KIDINS220: variants seen among roughly 807,000 people sequenced by gnomAD.
The protein encoded by KIDINS220 is kinase D interacting substrate 220.
A neutral mutation model predicts 157.6 loss-of-function variants in KIDINS220; 63 were observed. That is an observed-to-expected ratio of 0.40 (90% CI 0.33 to 0.49). KIDINS220 has a LOEUF of 0.49. Ranked by LOEUF, KIDINS220 falls within the 20% of genes least tolerant of loss-of-function variation. The probability of loss-of-function intolerance (pLI) is 0.66; values close to 1 mark genes in which losing one functional copy is unlikely to be tolerated. For synonymous variants in KIDINS220, 732 were observed against 783.6 expected, an observed-to-expected ratio of 0.93 and a Z score of 1.10; for missense variants, 1,772 against 2,171.2, an observed-to-expected ratio of 0.82 and a Z score of 3.65.
rs540694621 is a variant in KIDINS220, at chr2:8,770,799, T to C, written c.2882A>G (p.Asn961Ser). 8.1e-6 allele frequency: 13 copies of C among 1,610,668 alleles called. No individual in the cohort carries two copies. Among genetic ancestry groups the C allele is most frequent in the African/African-American group, 5.3e-5 (4 of 74,944 alleles). The change falls in exon 22 of 30, where the codon AAC (asparagine) becomes AGC (serine). Residue 961 changes from asparagine to serine, a missense_variant. This residue lies in a region of KIDINS220 where 725 missense variants were observed against 1,017.1 expected (regional missense o/e 0.71). Transcript: ENST00000256707. ...RLLRANQISF[N>S]WDRLASWINL... ...GATCCAGCTAGCAAGCCTGTCCCAG[T>C]TGAAACTAATCTGATTGGCTCTCAG...
intron 17 of KIDINS220, among the ~76,000 whole-genome samples, chr2:8,781,167 A>G (rs1572631336): frequency 1.4e-5 from 2 of 141,522 alleles, no homozygotes; most frequent in East Asian, 4.0e-4. Context: ...TATATATATT[A>G]AAGGGGGGCA....
chr2:8,728,685 C>T (rs1294424318), downstream of KIDINS220, among the ~76,000 whole-genome samples: 1 of 152,218 alleles, frequency 6.6e-6, no homozygotes, highest in Non-Finnish European at 1.5e-5. Context: ...CGCTGCTGGG[C>T]GCTAGCATGC....
intron 4 of KIDINS220, among the ~76,000 whole-genome samples, chr2:8,815,316 G>A (rs537376793): frequency 1.3e-5 from 2 of 151,262 alleles, no homozygotes; most frequent in African/African-American, 4.9e-5. Flanking sequence ...TGGGAGGATC[G>A]CTTGAGCCCA....
At chr2:8,809,482 A>G (rs1456198805) in intron 6 of KIDINS220, among the ~76,000 whole-genome samples, 1 of 151,476 alleles carries the variant, frequency 6.6e-6, no homozygotes, top group Non-Finnish European at 1.5e-5. Flanking sequence ...TAATAATTAT[A>G]TAAATAATTA....
At chr2:8,796,665 C>A in intron 11 of KIDINS220, 106 bp downstream of exon 11, 1 of 860,574 alleles carries the variant, frequency 1.2e-6, no homozygotes, top group South Asian at 1.4e-5. Flanking sequence ...AGCAAGTCAT[C>A]TCTCCCCACA....
chr2:8,826,882 A>T lies in KIDINS220; in HGVS notation c.108+104T>A, dbSNP rs545234464. On this transcript the variant is annotated intron_variant, in intron 2 of 29. Coordinates refer to ENST00000256707, the MANE Select transcript of KIDINS220 (RefSeq NM_020738.4). ...TCTATCATAAGTACAGTGCAGTATT[A>T]CTAAGGGTTAGAACTACCTATTTCT... is the stretch of plus-strand genomic sequence containing the variant. 45 of 577,420 alleles carry T rather than the reference A, an allele frequency of 7.8e-5. No homozygotes were observed. The African/African-American group carries it at 8.1e-4, about 10-fold the overall frequency. The allele number at this position is 577,420 out of a possible 1,614,324, so 35.8% of individuals were successfully genotyped here.
chr2:8,759,672 C>T (rs527378828), intron 22 of KIDINS220, among the ~76,000 whole-genome samples: 2 of 151,424 alleles, frequency 1.3e-5, no homozygotes, highest in East Asian at 3.9e-4. Flanking sequence ...TGGTAAGGCA[C>T]TGTCTTCATT....
intron 22 of KIDINS220, among the ~76,000 whole-genome samples, chr2:8,761,189 T>A (rs1238863674): frequency 2.0e-5 from 3 of 152,190 alleles, no homozygotes; most frequent in African/African-American, 7.2e-5. Context: ...GCAATTGTCG[T>A]CTTTAAGAAA....
chr2:8,810,280 AG>A (rs1558469162), intron 6 of KIDINS220, among the ~76,000 whole-genome samples: 1 of 152,156 alleles, frequency 6.6e-6, no homozygotes, highest in African/African-American at 2.4e-5. Flanking sequence ...TTCTCTAAAC[AG>A]AGATCATTTT....
chr2:8,791,897 A>G (rs958378204), intron 12 of KIDINS220, among the ~76,000 whole-genome samples: 1 of 152,194 alleles, frequency 6.6e-6, no homozygotes, highest in Non-Finnish European at 1.5e-5. Flanking sequence ...AGAAAAAAAA[A>G]TTAAAGACTA....
intron 22 of KIDINS220, among the ~76,000 whole-genome samples, chr2:8,756,791 A>G (rs559329216): frequency 6.6e-6 from 1 of 152,230 alleles, no homozygotes; most frequent in Non-Finnish European, 1.5e-5. Context: ...AAAGGCACCA[A>G]CTCTAAATAA....
In KIDINS220 at chr2:8,751,553, T is replaced by C; in HGVS notation, c.3103A>G (p.Arg1035Gly). The C allele has an allele frequency of 6.2e-7, 1 of 1,613,818 alleles. No individual in the cohort carries two copies. Among genetic ancestry groups the C allele is most frequent in the Non-Finnish European group, 8.5e-7 (1 of 1,179,782 alleles). The stretch of plus-strand genomic sequence containing the variant: ...TCTCGAGCCACAAGAACTGGGGTCC[T>C]TGAAGACAAAAACACTTCAAAATTT... ...IRNFEVFLSS[R>G]TPVLVARDVK... The change falls in exon 23 of 30, where the codon AGG becomes GGG. Residue 1035 changes from arginine (R) to glycine (G), a missense_variant. Arg to Gly is a moderately radical substitution (Grantham distance 125). Around this residue, in one of 3 missense-constraint regions of KIDINS220, gnomAD observed 725 missense variants for 1,017.1 expected, o/e 0.71. Transcript: ENST00000256707.
intron 23 of KIDINS220, 29 bp downstream of exon 23, chr2:8,751,437 G>GA: frequency 6.5e-7 from 1 of 1,548,192 alleles, no homozygotes; most frequent in Non-Finnish European, 8.8e-7. Flanking sequence ...AACTTTAGAT[G>GA]AAAAATTAAA....
intron 21 of KIDINS220, among the ~76,000 whole-genome samples, chr2:8,771,650 TGA>T (rs886793991): frequency 6.6e-6 from 1 of 152,184 alleles, no homozygotes; most frequent in African/African-American, 2.4e-5. Flanking sequence ...AGTTCCAATA[TGA>T]GTTATTCCTT....
chr2:8,809,973 G>C (rs1230498310), intron 6 of KIDINS220, among the ~76,000 whole-genome samples: 2 of 152,192 alleles, frequency 1.3e-5, no homozygotes, highest in East Asian at 3.9e-4. Flanking sequence ...CTGCAGCCCA[G>C]CTTCCTCCTC....
intron 9 of KIDINS220, among the ~76,000 whole-genome samples, chr2:8,798,999 A>C (rs1674338223): frequency 1.3e-5 from 2 of 152,140 alleles, no homozygotes; most frequent in African/African-American, 2.4e-5. Context: ...TGCAGCAGCC[A>C]CATTAAGTTC....
chr2:8,826,756 C>G, intron 2 of KIDINS220: 1 of 291,236 alleles, frequency 3.4e-6, no homozygotes, highest in Admixed American at 4.9e-5. Flanking sequence ...ATTATTCCAT[C>G]AGGGGAAAAA....
intron 26 of KIDINS220, among the ~76,000 whole-genome samples, chr2:8,742,752 C>T (rs1318753651): frequency 6.6e-6 from 1 of 152,194 alleles, no homozygotes; most frequent in African/African-American, 2.4e-5. Context: ...AGATTTTCAT[C>T]AGTTTTCTTC....
At chr2:8,771,871 G>A (rs1356974005) in intron 21 of KIDINS220, among the ~76,000 whole-genome samples, 1 of 152,012 alleles carries the variant, frequency 6.6e-6, no homozygotes, top group Non-Finnish European at 1.5e-5. Flanking sequence ...TGGCTATGCT[G>A]GAGATATACA....
Sources: allele counts gnomAD v4.1 joint callset (sites outside exome capture counted in the v4.1 genomes callset), GRCh38; gene constraint gnomAD v4.1.1; regional missense constraint gnomAD v4.1.1; transcripts MANE v1.5; gene names NCBI Gene and HGNC (gene_info 2026-07-23, HGNC 2026-07-21).